Variants in DNAJA2 observed in about 807,000 individuals in gnomAD.
The protein encoded by DNAJA2 is dnaJ homolog subfamily A member 2.
Under a neutral mutation model 49.3 loss-of-function variants are expected in DNAJA2, and 6 were observed. The ratio of observed to expected loss-of-function variants is 0.12; its 90% CI spans 0.07 to 0.24. The LOEUF (loss-of-function observed/expected upper bound fraction) is 0.24, where lower values mean the gene tolerates loss of function less well. Ranked by LOEUF, DNAJA2 falls within the 10% of genes least tolerant of loss-of-function variation. The pLI is 1.00. For missense variants in DNAJA2, 347 were observed against 516.8 expected (o/e 0.67, Z 3.19); for synonymous variants, 160 against 172.7 (o/e 0.93, Z 0.58).
intron 7 of DNAJA2, 30 bp from the exon 8 acceptor site, chr16:46,959,160 T>G (rs1413365452): frequency 4.4e-6 from 7 of 1,580,588 alleles, no homozygotes; most frequent in Admixed American, 3.7e-5. Flanking sequence ...GATTAATAAT[T>G]TTACCCAAAA....
In DNAJA2 at chr16:46,964,765, C is replaced by T. The variant is rs1256226961; in HGVS notation, c.620G>A (p.Gly207Glu). The T allele has an allele frequency of 6.2e-7, 1 of 1,613,680 alleles. No individual in the cohort carries two copies. Among genetic ancestry groups the T allele is most frequent in the Non-Finnish European group, 8.5e-7 (1 of 1,179,972 alleles). Residue 207 changes from glycine to glutamate, a missense_variant, in exon 6 of 9, where the codon GGG (glycine) becomes GAG (glutamate). Transcript: ENST00000317089. ...NEKDRCKKCE[G>E]KKVIKEVKIL... ...CTTGACTTCTTTAATCACCTTCTTC[C>T]CTTCACATTTTTTACAGCGGTCTTT...
At chr16:46,969,937 C>T (rs1010977837) in intron 3 of DNAJA2, among the ~76,000 whole-genome samples, 14 of 151,982 alleles carry the variant, frequency 9.2e-5, no homozygotes, top group African/African-American at 3.4e-4. Flanking sequence ...AACGAATTAA[C>T]CTGCACTGCA....
rs1044291280 is a variant in DNAJA2 at position 46,955,812 on chromosome 16, A to G, written c.*1217T>C. ...ACCAGATGATGGAAAGAGAAACACA[A>G]CATCCGTTTCATCAATTTTACCTGA... On this transcript the variant is annotated 3_prime_UTR_variant, in exon 9 of 9. Coordinates refer to ENST00000317089, the MANE Select transcript of DNAJA2 (RefSeq NM_005880.4). The G allele has an allele frequency of 1.3e-5, 2 of 152,158 alleles. No individual in the cohort carries two copies. The highest frequency in any genetic ancestry group is 6.5e-5 in the Admixed American group (1 of 15,272). 9.4% of individuals were successfully genotyped at this position (152,158 alleles called of 1,614,324 possible). A position where few individuals can be genotyped will look rare whatever the true frequency, so the allele number is the denominator to read the frequency against.
chr16:46,955,562 A>G lies in DNAJA2; in HGVS notation c.*1467T>C, dbSNP rs757265957. ...AATAATTTAAACCTCACAGGACTTG[A>G]TTAGTGTCAGCACACCTTTTTTCAT... On this transcript the variant is annotated 3_prime_UTR_variant, in exon 9 of 9. Transcript: ENST00000317089. The G allele has an allele frequency of 6.6e-6, 1 of 152,218 alleles. No individual in the cohort carries two copies. Among genetic ancestry groups the G allele is most frequent in the Non-Finnish European group, 1.5e-5 (1 of 68,038 alleles). The allele number at this position is 152,218 out of a possible 1,614,324, so 9.4% of individuals were successfully genotyped here. A position where few individuals can be genotyped will look rare whatever the true frequency, so the allele number is the denominator to read the frequency against.
intron 6 of DNAJA2, 39 bp downstream of exon 6, chr16:46,964,572 A>G: frequency 6.4e-7 from 1 of 1,572,680 alleles, no homozygotes; most frequent in Non-Finnish European, 8.6e-7. Flanking sequence ...GTACTTCTGA[A>G]TAAAACAAAA....
chr16:46,962,335 A>G (rs1021338742), intron 6 of DNAJA2, among the ~76,000 whole-genome samples: 1 of 152,218 alleles, frequency 6.6e-6, no homozygotes, highest in Non-Finnish European at 1.5e-5. Flanking sequence ...AACTAAACTT[A>G]GGGATAAAAA....
At chr16:46,963,046 C>T (rs184947552) in intron 6 of DNAJA2, among the ~76,000 whole-genome samples, 1 of 152,160 alleles carries the variant, frequency 6.6e-6, no homozygotes, top group East Asian at 1.9e-4. Flanking sequence ...ATCAGCTTGC[C>T]CACCTTTTTA....
intron 2 of DNAJA2, 104 bp downstream of exon 2, chr16:46,971,792 G>T: frequency 9.4e-7 from 1 of 1,063,156 alleles, no homozygotes; most frequent in Non-Finnish European, 1.5e-6. Context: ...ATGTGGCTGT[G>T]TGGGCATAGT....
At chr16:46,972,075 T>C (rs1041976160) in intron 1 of DNAJA2, 120 bp from the exon 2 acceptor site, 21 of 742,000 alleles carry the variant, frequency 2.8e-5, no homozygotes, top group Non-Finnish European at 4.8e-5. Flanking sequence ...TTCAAAAATA[T>C]TTTCTATTCG....
chr16:46,966,100 TA>T (rs1233940984), intron 5 of DNAJA2, among the ~76,000 whole-genome samples: 5 of 152,066 alleles, frequency 3.3e-5, no homozygotes, highest in Non-Finnish European at 7.4e-5. Flanking sequence ...GGCAAGCACC[TA>T]TGGTCTCAGC....
chr16:46,973,474 G>C (rs1962087736), intron 1 of DNAJA2, 21 bp downstream of exon 1: 1 of 1,587,264 alleles, frequency 6.3e-7, no homozygotes, highest in South Asian at 1.1e-5. Flanking sequence ...CCTCACACCC[G>C]CCCGGCCCGC....
rs180809755 is a variant in DNAJA2, at chr16:46,959,434, C to T, written c.775-15G>A. 40 of 1,599,100 alleles carry T rather than the reference C, an allele frequency of 2.5e-5. No homozygotes were observed. In the Middle Eastern group the frequency reaches 8.3e-4, roughly 33 times the overall value. ...CTCTGAAATACCTATAAATAAAGCA[C>T]AAAAGAAATACATTTTCTTAAAAAT... On this transcript the variant is annotated splice_polypyrimidine_tract_variant and intron_variant, in intron 6 of 8. Transcript: ENST00000317089.
In DNAJA2 at chr16:46,964,686, G is replaced by C; in HGVS notation, c.699C>G (p.Phe233Leu). Reference sequence around the variant, plus strand: ...CTGGGGCCTGGTCTGCTTCCCCAGTGAATGTAATTCTCTGTCCATGTTTCA... The same window carrying C: ...CTGGGGCCTGGTCTGCTTCCCCAGTCAATGTAATTCTCTGTCCATGTTTCA... ...KGMKHGQRIT[F>L]TGEADQAPGV... is the part of the protein sequence containing the mutation. Residue 233 changes from phenylalanine (F) to leucine (L), a missense_variant, in exon 6 of 9, where the codon TTC (phenylalanine) becomes TTG (leucine). Transcript: ENST00000317089. 6.2e-7 allele frequency: 1 copy of C among 1,614,168 alleles called. No homozygotes were observed. Among genetic ancestry groups the C allele is most frequent in the South Asian group, 1.1e-5 (1 of 91,082 alleles).
chr16:46,968,033 T>C (rs748172231), intron 4 of DNAJA2, 51 bp downstream of exon 4: 3 of 1,457,058 alleles, frequency 2.1e-6, no homozygotes, highest in Non-Finnish European at 2.8e-6. Context: ...TTCAGTGTGA[T>C]ACTTAAAAGA....
chr16:46,964,855 C>T (rs1961946498), intron 5 of DNAJA2, 48 bp from the exon 6 acceptor site: 1 of 1,409,752 alleles, frequency 7.1e-7, no homozygotes, highest in South Asian at 1.3e-5. Context: ...CTATACTGTA[C>T]TCTTAATACC....
At chr16:46,959,910 T>C (rs1271174798) in intron 6 of DNAJA2, among the ~76,000 whole-genome samples, 1 of 152,232 alleles carries the variant, frequency 6.6e-6, no homozygotes, top group Non-Finnish European at 1.5e-5. Context: ...TTCACACACA[T>C]ACCAACAAGT....
chr16:46,963,472 C>T (rs1961927237), intron 6 of DNAJA2, among the ~76,000 whole-genome samples: 2 of 150,572 alleles, frequency 1.3e-5, no homozygotes, highest in African/African-American at 4.9e-5. Context: ...AGTTCAAAAC[C>T]AGCCTGGGCA....
intron 3 of DNAJA2, among the ~76,000 whole-genome samples, chr16:46,970,035 A>C (rs1962022986): frequency 6.6e-6 from 1 of 152,378 alleles, no homozygotes; most frequent in East Asian, 1.9e-4. Flanking sequence ...AATGAGACTC[A>C]AAGTTAACAG....
At chr16:46,959,631 A>G (rs560156854) in intron 6 of DNAJA2, 1 of 494,360 alleles carries the variant, frequency 2.0e-6, no homozygotes, top group Admixed American at 3.5e-5. Flanking sequence ...GTGTACTGGA[A>G]CTGGTAAACA....
Sources: gnomAD v4.1 joint callset for allele counts (sites outside exome capture counted in the v4.1 genomes callset) on GRCh38, gnomAD v4.1.1 for gene constraint, MANE v1.5 for transcripts, NCBI Gene and HGNC (gene_info 2026-07-23, HGNC 2026-07-21) for gene names.